ARHGAP39: variants seen among roughly 807,000 people sequenced by gnomAD.
ARHGAP39 encodes rho GTPase-activating protein 39.
A neutral mutation model predicts 106.9 loss-of-function variants in ARHGAP39; 44 were observed. The ratio of observed to expected loss-of-function variants is 0.41; its 90% CI spans 0.32 to 0.53. The LOEUF is 0.53. Among genes scored for constraint, ARHGAP39 ranks in the 20% least tolerant of loss-of-function variants. The pLI is 0.21. For synonymous variants in ARHGAP39, 768 were observed against 693.2 expected, an observed-to-expected ratio of 1.11 and a Z score of -1.69; for missense variants, 1,496 against 1,577.3, an observed-to-expected ratio of 0.95 and a Z score of 0.87.
At chr8:144,658,662 G>T (rs1442968423) in intron 1 of ARHGAP39, among the ~76,000 whole-genome samples, 1 of 152,068 alleles carries the variant, frequency 6.6e-6, no homozygotes, top group Non-Finnish European at 1.5e-5. Context: ...TGGACACTGA[G>T]GGATGACTGT....
chr8:144,666,961 C>T (rs904531650), intron 1 of ARHGAP39, among the ~76,000 whole-genome samples: 10 of 152,154 alleles, frequency 6.6e-5, no homozygotes, highest in African/African-American at 2.4e-4. Flanking sequence ...CCCTTTGAAC[C>T]TTTGTAAACT....
intron 1 of ARHGAP39, among the ~76,000 whole-genome samples, chr8:144,656,807 CAAAAA>C (rs35058065): frequency 1.7e-4 from 7 of 42,346 alleles, no homozygotes; most frequent in Admixed American, 1.5e-3. Context: ...GACTCCATCT[CAAAAA>C]AAAAAAAAAA....
chr8:144,617,658 A>G (rs866076100), intron 1 of ARHGAP39, among the ~76,000 whole-genome samples: 2 of 151,242 alleles, frequency 1.3e-5, no homozygotes, highest in East Asian at 3.9e-4. Context: ...TTTGTGATCT[A>G]AAGTGAGGTT....
intron 1 of ARHGAP39, among the ~76,000 whole-genome samples, chr8:144,633,646 T>C (rs1204911995): frequency 1.3e-5 from 2 of 152,200 alleles, no homozygotes; most frequent in African/African-American, 4.8e-5. Flanking sequence ...AAAGTGGTCC[T>C]TCATAACATG....
chr8:144,629,596 C>T (rs536513482), intron 1 of ARHGAP39, among the ~76,000 whole-genome samples: 1 of 152,360 alleles, frequency 6.6e-6, no homozygotes, highest in Non-Finnish European at 1.5e-5. Flanking sequence ...CATCAGCAAA[C>T]AGATTCAACC....
intron 1 of ARHGAP39, among the ~76,000 whole-genome samples, chr8:144,674,872 C>A (rs570231213): frequency 6.6e-6 from 1 of 152,360 alleles, no homozygotes; most frequent in Admixed American, 6.5e-5. Context: ...AGTGCCTGGG[C>A]TCAGCCTCAA....
intron 1 of ARHGAP39, among the ~76,000 whole-genome samples, chr8:144,673,486 A>G (rs1241584752): frequency 6.6e-6 from 1 of 152,240 alleles, no homozygotes; most frequent in African/African-American, 2.4e-5. Context: ...CCTTCACCAC[A>G]GTCAATTTTA....
chr8:144,568,561 C>T (rs1156779820), intron 3 of ARHGAP39, among the ~76,000 whole-genome samples: 1 of 152,150 alleles, frequency 6.6e-6, no homozygotes, highest in South Asian at 2.1e-4. Context: ...GTATTAAAAT[C>T]TCTTTAAATG....
At chr8:144,636,590 A>G (rs1181513317) in intron 1 of ARHGAP39, among the ~76,000 whole-genome samples, 1 of 152,226 alleles carries the variant, frequency 6.6e-6, no homozygotes, top group Non-Finnish European at 1.5e-5. Flanking sequence ...ACACAGACAC[A>G]GCATTACCAA....
chr8:144,580,651 GCT>G (rs1036652893), intron 3 of ARHGAP39, among the ~76,000 whole-genome samples, 193 bp downstream of exon 3: 7 of 119,666 alleles, frequency 5.8e-5, no homozygotes, highest in South Asian at 2.8e-4. Context: ...CACCAGTCCC[GCT>G]CTCACGTGGC....
intron 1 of ARHGAP39, among the ~76,000 whole-genome samples, chr8:144,624,491 G>C (rs1563714177): frequency 6.6e-6 from 1 of 152,218 alleles, no homozygotes; most frequent in South Asian, 2.1e-4. Context: ...TGGCAAGGCT[G>C]CCTCTAACCC....
At chr8:144,630,557 A>C (rs1821035031) in intron 1 of ARHGAP39, among the ~76,000 whole-genome samples, 1 of 152,178 alleles carries the variant, frequency 6.6e-6, no homozygotes. Context: ...AACTCCAGTG[A>C]CCGAGACACT....
chr8:144,592,812 G>A (rs1279373306), intron 2 of ARHGAP39, among the ~76,000 whole-genome samples: 1 of 152,196 alleles, frequency 6.6e-6, no homozygotes, highest in African/African-American at 2.4e-5. Context: ...GGGTCCCACA[G>A]ACTGGCTGGA....
At chr8:144,674,519 C>G (rs187402528) in intron 1 of ARHGAP39, among the ~76,000 whole-genome samples, 1 of 152,220 alleles carries the variant, frequency 6.6e-6, no homozygotes, top group Non-Finnish European at 1.5e-5. Flanking sequence ...CATGGGCAGG[C>G]CCAGAAAAAG....
chr8:144,545,122 G>T, intron 6 of ARHGAP39, 127 bp downstream of exon 6: 1 of 856,376 alleles, frequency 1.2e-6, no homozygotes, highest in Non-Finnish European at 1.6e-6. Flanking sequence ...CGTTTTGGGA[G>T]GTGTGTGTCG....
intron 1 of ARHGAP39, among the ~76,000 whole-genome samples, chr8:144,627,291 C>T (rs1235301887): frequency 6.6e-6 from 1 of 152,214 alleles, no homozygotes; most frequent in African/African-American, 2.4e-5. Context: ...CGCGGTGGCT[C>T]ATGCCTGTAA....
intron 1 of ARHGAP39, among the ~76,000 whole-genome samples, chr8:144,627,149 C>T (rs571794677): frequency 5.9e-5 from 9 of 152,338 alleles, no homozygotes; most frequent in Admixed American, 1.3e-4. Context: ...TGTTTGGATC[C>T]GACCGCCATC....
chr8:144,593,961 T>C (rs1563693209), intron 2 of ARHGAP39, among the ~76,000 whole-genome samples: 1 of 151,928 alleles, frequency 6.6e-6, no homozygotes, highest in Non-Finnish European at 1.5e-5. Flanking sequence ...TGGTGGCTCA[T>C]GCCCGTAGTC....
Position 144,533,116 on chromosome 8 carries a change from G to C in ARHGAP39, c.2888+10C>G, listed in dbSNP as rs772897321. 1 of 1,593,846 alleles carries C rather than the reference G, an allele frequency of 6.3e-7. No homozygotes were observed. Among genetic ancestry groups the C allele is most frequent in the Non-Finnish European group, 8.5e-7 (1 of 1,171,114 alleles). On this transcript the variant is annotated intron_variant, in intron 9 of 11. Coordinates refer to ENST00000377307, the MANE Select transcript of ARHGAP39 (RefSeq NM_025251.3). ...GCCCCCACACCCGGCGCCCGGGGTT[G>C]CCGTGGCACCTGAAGATGCCCTCTG...
Sources: allele counts gnomAD v4.1 joint callset (sites outside exome capture counted in the v4.1 genomes callset), GRCh38; gene constraint gnomAD v4.1.1; transcripts MANE v1.5; gene names NCBI Gene and HGNC (gene_info 2026-07-23, HGNC 2026-07-21).